The following KCNS3 variants were observed in gnomAD, a reference collection of about 807,000 sequenced individuals.
KCNS3 encodes potassium voltage-gated channel modifier subfamily S member 3, also known as delayed-rectifier potassium channel regulatory subunit KCNS3.
A neutral mutation model predicts 31.0 loss-of-function variants in KCNS3; 13 were observed. The observed-to-expected ratio is 0.42, with a 90% confidence interval of 0.27 to 0.67. KCNS3 has a LOEUF of 0.67. Among genes scored for constraint, KCNS3 ranks in the 30% least tolerant of loss-of-function variants. KCNS3 has a pLI of 0.25. For missense variants in KCNS3, 545 were observed against 622.4 expected (o/e 0.88, Z 1.32); for synonymous variants, 238 against 241.5 (o/e 0.99, Z 0.13).
intron 1 of KCNS3, among the ~76,000 whole-genome samples, chr2:17,916,401 AAGG>A (rs1298789048): frequency 1.3e-5 from 2 of 152,046 alleles, no homozygotes; most frequent in Non-Finnish European, 2.9e-5. Flanking sequence ...ATGGAGGAGG[AAGG>A]AGGAGGAGTT....
At chr2:17,930,058 G>A (rs1340995332) in intron 2 of KCNS3, among the ~76,000 whole-genome samples, 1 of 152,168 alleles carries the variant, frequency 6.6e-6, no homozygotes, top group East Asian at 1.9e-4. Flanking sequence ...CTGAGAAAGC[G>A]ACCTGGTGTA....
intron 1 of KCNS3, among the ~76,000 whole-genome samples, chr2:17,906,467 C>A (rs1049422499): frequency 6.6e-6 from 1 of 152,198 alleles, no homozygotes; most frequent in African/African-American, 2.4e-5. Flanking sequence ...TCCTTCAGTT[C>A]TTCTGTGATC....
chr2:17,915,028 T>G (rs1662556570), intron 1 of KCNS3, among the ~76,000 whole-genome samples: 1 of 151,986 alleles, frequency 6.6e-6, no homozygotes, highest in Non-Finnish European at 1.5e-5. Context: ...GATGAAAGAG[T>G]CCAATATGCC....
chr2:17,922,176 A>T (rs1662731702), intron 2 of KCNS3, among the ~76,000 whole-genome samples: 1 of 151,304 alleles, frequency 6.6e-6, no homozygotes, highest in East Asian at 1.9e-4. Flanking sequence ...ATTTTATTAT[A>T]TTAGGCTTGA....
chr2:17,906,357 CTTT>C (rs1662313993), intron 1 of KCNS3, among the ~76,000 whole-genome samples: 1 of 152,020 alleles, frequency 6.6e-6, no homozygotes, highest in Non-Finnish European at 1.5e-5. Context: ...CTCTTTTCTT[CTTT>C]ATTAGTCTTG....
At chr2:17,908,808 C>T (rs551317341) in intron 1 of KCNS3, among the ~76,000 whole-genome samples, 1 of 152,314 alleles carries the variant, frequency 6.6e-6, no homozygotes, top group South Asian at 2.1e-4. Flanking sequence ...GCTGCCTGAT[C>T]GTTCCTCTGG....
intron 1 of KCNS3, among the ~76,000 whole-genome samples, chr2:17,898,683 A>G (rs1014703091): frequency 6.6e-6 from 1 of 152,180 alleles, no homozygotes; most frequent in Non-Finnish European, 1.5e-5. Context: ...CTGGTTTGAA[A>G]GGGGCGCAAG....
chr2:17,896,026 A>G (rs1009049993), intron 1 of KCNS3, among the ~76,000 whole-genome samples: 6 of 152,068 alleles, frequency 3.9e-5, no homozygotes, highest in Admixed American at 3.3e-4. Context: ...ATTCTGACCT[A>G]TGTTTTTATT....
intron 1 of KCNS3, among the ~76,000 whole-genome samples, chr2:17,889,685 C>G (rs1331752520): frequency 6.6e-6 from 1 of 152,048 alleles, no homozygotes; most frequent in Non-Finnish European, 1.5e-5. Flanking sequence ...TTGAGATGAT[C>G]ATGTGATTTT....
chr2:17,918,557 A>G (rs1387877783), intron 2 of KCNS3, among the ~76,000 whole-genome samples: 1 of 152,188 alleles, frequency 6.6e-6, no homozygotes, highest in East Asian at 1.9e-4. Context: ...TAATTTTGCC[A>G]TGCCTGTTCT....
intron 1 of KCNS3, among the ~76,000 whole-genome samples, chr2:17,879,654 C>T (rs1347873038): frequency 3.3e-5 from 5 of 152,216 alleles, no homozygotes; most frequent in Non-Finnish European, 7.3e-5. Context: ...GCGCCTTTCG[C>T]ATTGCAGGGC....
chr2:17,915,456 C>T (rs1319077725), intron 1 of KCNS3, among the ~76,000 whole-genome samples: 1 of 152,076 alleles, frequency 6.6e-6, no homozygotes, highest in Non-Finnish European at 1.5e-5. Context: ...CTGCTCACTC[C>T]CCCCAATCCC....
chr2:17,918,771 G>A (rs988663320), intron 2 of KCNS3, among the ~76,000 whole-genome samples: 2 of 152,248 alleles, frequency 1.3e-5, no homozygotes, highest in African/African-American at 4.8e-5. Context: ...AAGGAGAATT[G>A]TAGATAACAT....
rs768401205 is a variant in KCNS3 at position 17,931,005 on chromosome 2, C to G, written c.-4C>G. 2 of 1,611,520 alleles carry G rather than the reference C, an allele frequency of 1.2e-6. No homozygotes were observed. Among genetic ancestry groups the G allele is most frequent in the Non-Finnish European group, 1.7e-6 (2 of 1,178,560 alleles). On this transcript the variant is annotated 5_prime_UTR_variant, in exon 3 of 3. Coordinates refer to ENST00000304101, the MANE Select transcript of KCNS3 (RefSeq NM_002252.5). The surrounding 1 kb of genome is among the most constrained non-coding windows in gnomAD (Gnocchi z 5.4). Reference sequence around the variant, plus strand: ...CAGCCAGCACTCTGCCTTCTGTATCCACCATGGTGTTTGGTGAGTTTTTCC... The same window carrying G: ...CAGCCAGCACTCTGCCTTCTGTATCGACCATGGTGTTTGGTGAGTTTTTCC...
chr2:17,913,250 G>A (rs1233364512), intron 1 of KCNS3, among the ~76,000 whole-genome samples: 1 of 152,150 alleles, frequency 6.6e-6, no homozygotes, highest in Non-Finnish European at 1.5e-5. Flanking sequence ...ATTAAAAGTA[G>A]GTCTGTCGTT....
intron 1 of KCNS3, among the ~76,000 whole-genome samples, chr2:17,896,834 C>T (rs1662040318): frequency 6.6e-6 from 1 of 152,136 alleles, no homozygotes; most frequent in Admixed American, 6.5e-5. Flanking sequence ...CCTATGCTGG[C>T]TCTCTGAAGA....
At chr2:17,884,268 AATATAT>A (rs1227638443) in intron 1 of KCNS3, among the ~76,000 whole-genome samples, 902 of 46,630 alleles carry the variant, frequency 0.019, 11 homozygotes, top group South Asian at 0.046. Context: ...AAAAAAAAAA[AATATAT>A]ATATATATAT....
intron 1 of KCNS3, among the ~76,000 whole-genome samples, 156 bp downstream of exon 1, chr2:17,878,962 T>G (rs1001002995): frequency 6.6e-6 from 1 of 152,158 alleles, no homozygotes; most frequent in East Asian, 1.9e-4. Flanking sequence ...CGCAGAGCAC[T>G]TTCCGTCCTT....
At chr2:17,929,899 G>T (rs57461956) in intron 2 of KCNS3, among the ~76,000 whole-genome samples, 1 of 152,156 alleles carries the variant, frequency 6.6e-6, no homozygotes, top group East Asian at 1.9e-4. Context: ...CTACCATATA[G>T]TGTTGGAAGG....
Sources: gnomAD v4.1 joint callset for allele counts (sites outside exome capture counted in the v4.1 genomes callset) on GRCh38, gnomAD v4.1.1 for gene constraint, Gnocchi (gnomAD v3.1) non-coding constraint, MANE v1.5 for transcripts, NCBI Gene and HGNC (gene_info 2026-07-23, HGNC 2026-07-21) for gene names.